Variants in RBFOX3 observed in about 807,000 individuals in gnomAD.
RBFOX3 encodes RNA binding fox-1 homolog 3.
Under a neutral mutation model 48.7 loss-of-function variants are expected in RBFOX3, and 17 were observed. The ratio of observed to expected loss-of-function variants is 0.35; its 90% CI spans 0.24 to 0.52. RBFOX3 has a LOEUF of 0.52. Ranked by LOEUF, RBFOX3 falls within the 20% of genes least tolerant of loss-of-function variation. RBFOX3 has a pLI of 0.94. For missense variants in RBFOX3, 382 were observed against 497.5 expected (o/e 0.77, Z 2.21); for synonymous variants, 212 against 209.5 (o/e 1.01, Z -0.10).
chr17:79,096,157 G>A (rs2075199349), intron 12 of RBFOX3, among the ~76,000 whole-genome samples: 2 of 152,338 alleles, frequency 1.3e-5, no homozygotes, highest in African/African-American at 2.4e-5. Context: ...CATGGGGTGT[G>A]GCCGTCAGTG....
Position 79,212,765 on chromosome 17 carries a change from G to A in RBFOX3, c.-34+23001C>T, listed in dbSNP as rs2058546990. ...CAGGCTGTGGGGAGGGGCGGGGAAT[G>A]GGAGAAAGTGCCTGGCTCTAAACAG... is the stretch of plus-strand genomic sequence containing the variant. On this transcript the variant is annotated intron_variant, in intron 4 of 14. Transcript: ENST00000693108. The surrounding 1 kb of genome is among the most constrained non-coding windows in gnomAD (Gnocchi z 4.7). 6.6e-6 allele frequency among the ~76,000 whole-genome samples: 1 copy of A among 152,152 alleles called. No homozygotes were observed. Among genetic ancestry groups the A allele is most frequent in the Admixed American group, 6.5e-5 (1 of 15,282 alleles).
At chr17:79,596,162 C>T (rs4132157) in intron 1 of RBFOX3, among the ~76,000 whole-genome samples, 50,224 of 152,148 alleles carry the variant, frequency 0.33, 9,545 homozygotes, top group South Asian at 0.44. Context: ...GCAGTCTGCT[C>T]TATTTGGCAG....
At chr17:79,622,958 T>C in the RBFOX3 span, among the ~76,000 whole-genome samples, 2 of 152,150 alleles carry the variant, frequency 1.3e-5, no homozygotes, top group African/African-American at 4.8e-5. Flanking sequence ...GCCCCATCTC[T>C]ACCACGCCCT....
rs187104765 is a variant in RBFOX3, at chr17:79,418,452, C to G, written c.-175+64002G>C. ...CAATTTCATAAAGAAGGATTCACACCGTGCCACGCGAGAAAGCCGTGTGTG... is the reference window on the plus strand; with the variant it reads ...CAATTTCATAAAGAAGGATTCACACGGTGCCACGCGAGAAAGCCGTGTGTG... On this transcript the variant is annotated intron_variant, in intron 2 of 14. Transcript: ENST00000693108. This position sits in a 1 kb window ranked among gnomAD's most constrained non-coding sequence, Gnocchi z 5.0. 5.9e-5 allele frequency among the ~76,000 whole-genome samples: 9 copies of G among 152,326 alleles called. No individual in the cohort carries two copies. The East Asian group carries it at 1.5e-3, about 26-fold the overall frequency.
At chr17:79,135,451 G>T (rs1462862516) in intron 4 of RBFOX3, among the ~76,000 whole-genome samples, 1 of 152,186 alleles carries the variant, frequency 6.6e-6, no homozygotes, top group Non-Finnish European at 1.5e-5. Flanking sequence ...CTCTGGGCTG[G>T]ACACAGGGAT....
At chr17:79,120,827 C>T (rs1261171687) in intron 4 of RBFOX3, among the ~76,000 whole-genome samples, 1 of 151,988 alleles carries the variant, frequency 6.6e-6, no homozygotes, top group Admixed American at 6.5e-5. Flanking sequence ...CCTTCCTCTA[C>T]AAACTTGCCC....
chr17:79,092,049 A>G, intron 14 of RBFOX3: 1 of 985,388 alleles, frequency 1.0e-6, no homozygotes, highest in South Asian at 4.7e-5. Flanking sequence ...CTGCGGGAGC[A>G]CCCTCAGGCC....
rs79450191 is a variant in RBFOX3, at chr17:79,136,097, T to C, written c.-33-20349A>G. On this transcript the variant is annotated intron_variant, in intron 4 of 14. Coordinates refer to ENST00000693108, the MANE Select transcript of RBFOX3 (RefSeq NM_001350451.2). ...TCCCTGGCATCCCGTGGGCTGCCTG[T>C]TTCTGTTTCCCTTCTCCACACGTGC... is the stretch of plus-strand genomic sequence containing the variant. The C allele has an allele frequency of 2.4e-3, 369 of 152,380 alleles. 4 individuals carry two copies. The East Asian group carries it at 0.053, about 22-fold the overall frequency. The allele number at this position is 152,380 out of a possible 1,614,324, so 9.4% of individuals were successfully genotyped here. A position where few individuals can be genotyped will look rare whatever the true frequency, so the allele number is the denominator to read the frequency against.
chr17:79,620,264 CGT>C, the RBFOX3 span, among the ~76,000 whole-genome samples: 6 of 150,614 alleles, frequency 4.0e-5, no homozygotes, highest in East Asian at 2.0e-4. Context: ...TGCACACACA[CGT>C]GCACACATAC....
In RBFOX3 at chr17:79,279,569, C is replaced by T. The variant is rs933785249; in HGVS notation, c.-74+28155G>A. Reference sequence around the variant, plus strand: ...CGAAGGCATGACCCAGTCCAAATAACCTATGTGCCAGCCAGTTGTTTCTGG... The same window carrying T: ...CGAAGGCATGACCCAGTCCAAATAATCTATGTGCCAGCCAGTTGTTTCTGG... On this transcript the variant is annotated intron_variant, in intron 3 of 14. Coordinates refer to ENST00000693108, the MANE Select transcript of RBFOX3 (RefSeq NM_001350451.2). Among the ~76,000 whole-genome samples, 7 of 152,206 alleles carry T rather than the reference C, an allele frequency of 4.6e-5. No individual in the cohort carries two copies. The East Asian group carries it at 1.3e-3, about 29-fold the overall frequency.
At chr17:79,109,514 C>T (rs944331986) in intron 5 of RBFOX3, among the ~76,000 whole-genome samples, 1 of 152,256 alleles carries the variant, frequency 6.6e-6, no homozygotes, top group Non-Finnish European at 1.5e-5. Flanking sequence ...AGTTTTCTTG[C>T]AGAAAGCAAG....
chr17:79,541,706 C>A (rs1555790375), intron 1 of RBFOX3, among the ~76,000 whole-genome samples: 1 of 152,244 alleles, frequency 6.6e-6, no homozygotes, highest in Non-Finnish European at 1.5e-5. Flanking sequence ...CCCACCCCGG[C>A]TCCTGGCAAG....
intron 2 of RBFOX3, among the ~76,000 whole-genome samples, chr17:79,446,848 G>A (rs1012098108): frequency 4.6e-5 from 7 of 151,246 alleles, no homozygotes; most frequent in Admixed American, 4.0e-4. Flanking sequence ...GAGCTGCCAC[G>A]TCATCACAGA....
At chr17:79,288,565 C>T (rs955547863) in intron 3 of RBFOX3, among the ~76,000 whole-genome samples, 5 of 151,990 alleles carry the variant, frequency 3.3e-5, no homozygotes, top group African/African-American at 7.3e-5. Flanking sequence ...GGGCAGTTTC[C>T]GTCCTTACCA....
In RBFOX3 at chr17:79,243,842, C is replaced by T. The variant is rs377205651; in HGVS notation, c.-73-8037G>A. On this transcript the variant is annotated intron_variant, in intron 3 of 14. Coordinates refer to ENST00000693108, the MANE Select transcript of RBFOX3 (RefSeq NM_001350451.2). This position sits in a 1 kb window ranked among gnomAD's most constrained non-coding sequence, Gnocchi z 7.9. ...GCCAAGACAAGAAGGCGCAATGCCA[C>T]CAAGCAGATGGCAGTGGAGGAGACA... Among the ~76,000 whole-genome samples the T allele has an allele frequency of 6.6e-5, 10 of 152,030 alleles. No homozygotes were observed. Among genetic ancestry groups the T allele is most frequent in the African/African-American group, 2.4e-4 (10 of 41,386 alleles).
chr17:79,629,513 G>A, the RBFOX3 span, among the ~76,000 whole-genome samples: 4 of 152,208 alleles, frequency 2.6e-5, no homozygotes, highest in African/African-American at 9.6e-5. Context: ...GGGGTGCGGG[G>A]AAATGACCTC....
intron 1 of RBFOX3, among the ~76,000 whole-genome samples, chr17:79,506,286 C>A (rs1555778706): frequency 6.6e-6 from 1 of 152,178 alleles, no homozygotes; most frequent in African/African-American, 2.4e-5. Context: ...CTTGAGGGGG[C>A]CAGTTTCCTG....
intron 4 of RBFOX3, among the ~76,000 whole-genome samples, chr17:79,196,842 CTGTT>C (rs1295088380): frequency 6.6e-6 from 1 of 152,224 alleles, no homozygotes; most frequent in South Asian, 2.1e-4. Context: ...TTCCTAATTA[CTGTT>C]TGTTCTGGAT....
chr17:79,298,597 CAGG>C (rs1245440498), intron 3 of RBFOX3, among the ~76,000 whole-genome samples: 1 of 152,164 alleles, frequency 6.6e-6, no homozygotes, highest in Non-Finnish European at 1.5e-5. Context: ...CACGGCACAC[CAGG>C]AGAACAGCAG....
Sources: allele counts gnomAD v4.1 joint callset (sites outside exome capture counted in the v4.1 genomes callset), GRCh38; gene constraint gnomAD v4.1.1; non-coding constraint Gnocchi (gnomAD v3.1); transcripts MANE v1.5; gene names NCBI Gene and HGNC (gene_info 2026-07-23, HGNC 2026-07-21).